Variants in LTBP1 observed in about 807,000 individuals in gnomAD.
LTBP1 encodes the protein latent transforming growth factor beta binding protein 1.
LTBP1 carries 129 observed loss-of-function variants against 207.6 expected under a neutral mutation model. That is an observed-to-expected ratio of 0.62 (90% confidence interval 0.54 to 0.72). The LOEUF (loss-of-function observed/expected upper bound fraction) is 0.72, where lower values mean the gene tolerates loss of function less well. LTBP1 is among the 30% of genes least tolerant of loss of function. The pLI, the probability that LTBP1 is intolerant of heterozygous loss-of-function variation, is 0.00. For synonymous variants in LTBP1, 963 were observed against 833.7 expected, an observed-to-expected ratio of 1.16 and a Z score of -2.67; for missense variants, 2,281 against 2,217.2, an observed-to-expected ratio of 1.03 and a Z score of -0.58.
At chr2:33,341,924 A>AT (rs2094631163) in intron 24 of LTBP1, among the ~76,000 whole-genome samples, 2 of 152,022 alleles carry the variant, frequency 1.3e-5, no homozygotes, top group African/African-American at 4.8e-5. Flanking sequence ...GGATGCTGTC[A>AT]TTAACATTTT....
chr2:32,975,601 T>G (rs1197203684), intron 2 of LTBP1, among the ~76,000 whole-genome samples: 6 of 128,254 alleles, frequency 4.7e-5, no homozygotes, highest in South Asian at 2.7e-4. Context: ...TTTTTTTTTT[T>G]TTTTTTTTTT....
chr2:33,118,202 A>C (rs958281917), intron 4 of LTBP1, among the ~76,000 whole-genome samples: 1 of 150,162 alleles, frequency 6.7e-6, no homozygotes, highest in East Asian at 1.9e-4. Context: ...AAAAAAAAAA[A>C]ACAAAAAAAA....
At chr2:33,146,180 A>G (rs1166248933) in intron 5 of LTBP1, among the ~76,000 whole-genome samples, 1 of 152,196 alleles carries the variant, frequency 6.6e-6, no homozygotes, top group Non-Finnish European at 1.5e-5. Flanking sequence ...GTTATTTGAA[A>G]TTTGATCTGC....
At chr2:33,315,302 G>C (rs1256571684) in intron 24 of LTBP1, 33 bp downstream of exon 24, 1 of 1,608,780 alleles carries the variant, frequency 6.2e-7, no homozygotes, top group Admixed American at 1.7e-5. Flanking sequence ...ATATTGTTGT[G>C]TGATAAAAGA....
chr2:33,387,308 A>T (rs2095274624), intron 31 of LTBP1, among the ~76,000 whole-genome samples: 1 of 152,266 alleles, frequency 6.6e-6, no homozygotes, highest in African/African-American at 2.4e-5. Flanking sequence ...TCGCAAAGAA[A>T]TCCTTAATTC....
chr2:33,117,156 C>G (rs2080794156), intron 4 of LTBP1, among the ~76,000 whole-genome samples: 1 of 152,194 alleles, frequency 6.6e-6, no homozygotes, highest in African/African-American at 2.4e-5. Context: ...ATAGTAGCAG[C>G]TTTGTGGCCT....
At chr2:33,299,517 G>A (rs1249664492) in intron 20 of LTBP1, among the ~76,000 whole-genome samples, 1 of 151,950 alleles carries the variant, frequency 6.6e-6, no homozygotes, top group African/African-American at 2.4e-5. Context: ...TATTCCCTTC[G>A]GTAATCTTCA....
intron 24 of LTBP1, among the ~76,000 whole-genome samples, chr2:33,329,931 T>G (rs1368164096): frequency 6.6e-6 from 1 of 152,104 alleles, no homozygotes. Flanking sequence ...TGCTGGGATT[T>G]TGATTGGAAT....
chr2:33,354,979 C>T (rs2094839398), intron 26 of LTBP1, among the ~76,000 whole-genome samples: 1 of 152,106 alleles, frequency 6.6e-6, no homozygotes, highest in African/African-American at 2.4e-5. Flanking sequence ...CTTCTTAATA[C>T]TACAAGATAT....
chr2:33,172,138 A>G (rs985062714), intron 5 of LTBP1, among the ~76,000 whole-genome samples: 2 of 152,212 alleles, frequency 1.3e-5, no homozygotes, highest in African/African-American at 4.8e-5. Flanking sequence ...AAATGACAGG[A>G]TCAAATTCAC....
In LTBP1 at chr2:33,158,489, G is replaced by T. The variant is rs142193152; in HGVS notation, c.1201+23529G>T. ...ACTTTTTGGAATTAATCTAGAGAAA[G>T]AATTGAGACAGGGCATCCCAGATGA... On this transcript the variant is annotated intron_variant, in intron 5 of 33. Coordinates refer to ENST00000404816, the MANE Select transcript of LTBP1 (RefSeq NM_206943.4). 4.1e-4 allele frequency among the ~76,000 whole-genome samples: 63 copies of T among 152,232 alleles called. 1 individual carries two copies. The East Asian group carries it at 7.3e-3, about 18-fold the overall frequency.
intron 4 of LTBP1, among the ~76,000 whole-genome samples, chr2:33,126,003 A>G (rs1374504952): frequency 6.6e-6 from 1 of 152,060 alleles, no homozygotes; most frequent in South Asian, 2.1e-4. Context: ...TGAAGGCTTG[A>G]CTGGGCCTAG....
At chr2:33,392,732 T>C (rs1413533039) in intron 32 of LTBP1, among the ~76,000 whole-genome samples, 3 of 152,246 alleles carry the variant, frequency 2.0e-5, no homozygotes, top group Non-Finnish European at 2.9e-5. Context: ...TTTTACTTTT[T>C]ATGTTTTAAT....
chr2:33,267,583 G>A (rs1179293538), intron 15 of LTBP1, among the ~76,000 whole-genome samples: 1 of 152,144 alleles, frequency 6.6e-6, no homozygotes, highest in African/African-American at 2.4e-5. Flanking sequence ...GGACAGCAAG[G>A]ATCTTCTAAT....
intron 5 of LTBP1, among the ~76,000 whole-genome samples, chr2:33,157,424 G>C (rs904960969): frequency 6.6e-6 from 1 of 152,188 alleles, no homozygotes. Flanking sequence ...AATCAGTAGG[G>C]AACTGTTTTG....
chr2:33,313,765 A>G (rs1327511918), intron 23 of LTBP1, among the ~76,000 whole-genome samples: 2 of 152,220 alleles, frequency 1.3e-5, no homozygotes, highest in Admixed American at 6.5e-5. Flanking sequence ...GTGGTGGACA[A>G]ACATTCATAA....
At chr2:33,070,972 C>G (rs1324412843) in intron 3 of LTBP1, among the ~76,000 whole-genome samples, 2 of 152,172 alleles carry the variant, frequency 1.3e-5, no homozygotes, top group African/African-American at 4.8e-5. Context: ...TGGTTCTCAC[C>G]CTTGCTAGAT....
At chr2:33,002,006 A>G (rs1686112360) in intron 2 of LTBP1, among the ~76,000 whole-genome samples, 1 of 134,708 alleles carries the variant, frequency 7.4e-6, no homozygotes, top group Non-Finnish European at 1.6e-5. Context: ...CAAACAGCAA[A>G]CACATGCTCA....
chr2:33,338,199 A>G (rs1214242164), intron 24 of LTBP1, among the ~76,000 whole-genome samples: 1 of 151,848 alleles, frequency 6.6e-6, no homozygotes, highest in East Asian at 1.9e-4. Context: ...TTTCCTATTC[A>G]TTCAAATCCA....
Sources: allele counts gnomAD v4.1 joint callset (sites outside exome capture counted in the v4.1 genomes callset), GRCh38; gene constraint gnomAD v4.1.1; transcripts MANE v1.5; gene names NCBI Gene and HGNC (gene_info 2026-07-23, HGNC 2026-07-21).